CDH8: variants seen among roughly 807,000 people sequenced by gnomAD.
The protein encoded by CDH8 is cadherin-8.
In CDH8, 17 loss-of-function variants were observed where a neutral mutation model predicts 68.1. That is an observed-to-expected ratio of 0.25 (90% CI 0.17 to 0.37). CDH8 has a LOEUF of 0.37. Among genes scored for constraint, CDH8 ranks in the 10% least tolerant of loss-of-function variants. CDH8 has a pLI of 1.00. For synonymous variants in CDH8, 372 were observed against 365.1 expected (o/e 1.02, Z -0.21); for missense variants, 763 against 999.3 (o/e 0.76, Z 3.19).
intron 7 of CDH8, among the ~76,000 whole-genome samples, chr16:61,797,047 T>A (rs1302527032): frequency 6.6e-6 from 1 of 152,088 alleles, no homozygotes; most frequent in Non-Finnish European, 1.5e-5. Flanking sequence ...CCCAGCTGCA[T>A]ACATTTCATA....
At chr16:61,970,915 T>C (rs566254821) in intron 2 of CDH8, among the ~76,000 whole-genome samples, 20 of 152,302 alleles carry the variant, frequency 1.3e-4, no homozygotes, top group African/African-American at 4.1e-4. Flanking sequence ...CATTCCACCA[T>C]TGTGATTTGT....
At position 61,652,124 on chromosome 16, in the gene CDH8, A is replaced by G; in HGVS notation, c.*1484T>C. The G allele has an allele frequency of 1.0e-6, 1 of 969,474 alleles. No homozygotes were observed. Among genetic ancestry groups the G allele is most frequent in the Admixed American group, 6.2e-5 (1 of 16,258 alleles). 60.1% of individuals were successfully genotyped at this position (969,474 alleles called of 1,614,324 possible). A position where few individuals can be genotyped will look rare whatever the true frequency, so the allele number is the denominator to read the frequency against. On this transcript the variant is annotated 3_prime_UTR_variant, in exon 12 of 12. Coordinates refer to ENST00000577390, the MANE Select transcript of CDH8 (RefSeq NM_001796.5). The stretch of plus-strand genomic sequence containing the variant: ...TAAAGCAAAGTAGAAAATTAAAATG[A>G]TCTGCATGTAATACTTGAGTTTTAT...
intron 2 of CDH8, among the ~76,000 whole-genome samples, chr16:61,982,877 C>G (rs1054517332): frequency 3.9e-5 from 6 of 152,126 alleles, no homozygotes; most frequent in African/African-American, 1.4e-4. Flanking sequence ...CAGAGATTCT[C>G]TGCAGTTGGT....
At chr16:61,911,268 T>G (rs1964157002) in intron 2 of CDH8, among the ~76,000 whole-genome samples, 1 of 152,094 alleles carries the variant, frequency 6.6e-6, no homozygotes, top group Admixed American at 6.6e-5. Context: ...GTGATTTTAT[T>G]GGAGAATGCA....
intron 2 of CDH8, among the ~76,000 whole-genome samples, chr16:62,014,920 A>C (rs1901899976): frequency 6.6e-6 from 1 of 152,018 alleles, no homozygotes; most frequent in Non-Finnish European, 1.5e-5. Context: ...TTTTTCCCAA[A>C]ATAAGCAATA....
At chr16:61,851,659 CA>C (rs144598683) in intron 4 of CDH8, among the ~76,000 whole-genome samples, 14 of 139,548 alleles carry the variant, frequency 1.0e-4, no homozygotes, top group East Asian at 6.5e-4. Flanking sequence ...GAGGGGAAAA[CA>C]AAAAAAAAAC....
chr16:61,857,641 G>A, intron 3 of CDH8, among the ~76,000 whole-genome samples: 1 of 152,052 alleles, frequency 6.6e-6, no homozygotes, highest in East Asian at 1.9e-4. Context: ...TGGAAAAATT[G>A]GCTGCTGAAA....
intron 2 of CDH8, among the ~76,000 whole-genome samples, chr16:62,017,689 A>G (rs1019740765): frequency 6.6e-6 from 1 of 152,124 alleles, no homozygotes; most frequent in African/African-American, 2.4e-5. Flanking sequence ...AGAAACCAAT[A>G]TATTTGACCA....
At position 61,848,472 on chromosome 16, in the gene CDH8, C is replaced by T. The variant is rs181169923; in HGVS notation, c.667+8647G>A. ...TGACCATCACACCACTTCAAGCTTACCCAAGTATATTTAACTGTTCTATGT... is the reference window on the plus strand; with the variant it reads ...TGACCATCACACCACTTCAAGCTTATCCAAGTATATTTAACTGTTCTATGT... On this transcript the variant is annotated intron_variant, in intron 4 of 11. Coordinates refer to ENST00000577390, the MANE Select transcript of CDH8 (RefSeq NM_001796.5). Among the ~76,000 whole-genome samples, 656 of 152,202 alleles carry T rather than the reference C, an allele frequency of 4.3e-3. 7 individuals are homozygous for T. Among genetic ancestry groups the T allele is most frequent in the Non-Finnish European group, 5.7e-3 (387 of 68,008 alleles).
chr16:61,824,462 A>G (rs931533844), intron 5 of CDH8, among the ~76,000 whole-genome samples: 3 of 151,868 alleles, frequency 2.0e-5, no homozygotes, highest in African/African-American at 7.2e-5. Flanking sequence ...TCAAATAATT[A>G]TTGTCTCCCT....
intron 2 of CDH8, among the ~76,000 whole-genome samples, chr16:61,991,255 C>T (rs1965716484): frequency 6.6e-6 from 1 of 152,184 alleles, no homozygotes; most frequent in Non-Finnish European, 1.5e-5. Context: ...AAACTCACAT[C>T]TATTAAGGTA....
chr16:62,015,963 T>C (rs1901929369), intron 2 of CDH8, among the ~76,000 whole-genome samples: 1 of 152,178 alleles, frequency 6.6e-6, no homozygotes, highest in South Asian at 2.1e-4. Context: ...TCTTAACTTA[T>C]TATACAGCAG....
intron 10 of CDH8, among the ~76,000 whole-genome samples, chr16:61,701,789 T>C (rs1439025097): frequency 6.6e-6 from 1 of 152,204 alleles, no homozygotes; most frequent in Admixed American, 6.5e-5. Flanking sequence ...AGCAAGCAGA[T>C]TTCCTCCATG....
intron 7 of CDH8, among the ~76,000 whole-genome samples, chr16:61,799,925 GTC>G (rs1961581587): frequency 6.6e-6 from 1 of 152,072 alleles, no homozygotes. Context: ...CAAAGACAAG[GTC>G]TCACGAGGTC....
rs1959205108 is a variant in CDH8 at position 61,720,001 on chromosome 16, AC to A, written c.1537-6044del. Among the ~76,000 whole-genome samples, 4 of 142,938 alleles carry A rather than the reference AC, an allele frequency of 2.8e-5. No individual in the cohort carries two copies. The South Asian group carries it at 7.1e-4, about 25-fold the overall frequency. The allele number at this position is 142,938 out of a possible 152,430, so 93.8% of individuals were successfully genotyped here. ...CTCCCAATCTTATTAGGTAACACAC[AC>A]ACACACACACACACACACACACCAA... is the stretch of plus-strand genomic sequence containing the variant. On this transcript the variant is annotated intron_variant, in intron 9 of 11. Coordinates refer to ENST00000577390, the MANE Select transcript of CDH8 (RefSeq NM_001796.5).
chr16:62,033,952 A>C (rs1375234389), intron 1 of CDH8, among the ~76,000 whole-genome samples: 1 of 152,202 alleles, frequency 6.6e-6, no homozygotes, highest in African/African-American at 2.4e-5. Context: ...AAATCTGCTA[A>C]AGCAGAATTA....
intron 10 of CDH8, among the ~76,000 whole-genome samples, chr16:61,684,021 C>T (rs1964058728): frequency 6.6e-6 from 1 of 152,010 alleles, no homozygotes; most frequent in Non-Finnish European, 1.5e-5. Context: ...GATACCTTCC[C>T]TCCAATATTT....
chr16:61,788,664 T>C (rs1322180259), intron 8 of CDH8, among the ~76,000 whole-genome samples: 2 of 152,022 alleles, frequency 1.3e-5, no homozygotes, highest in Non-Finnish European at 2.9e-5. Context: ...ATTATAGTTT[T>C]ATCAAGTGCA....
chr16:61,871,815 C>CAAAAAAAAAAAAAAAA (rs144379377), intron 3 of CDH8, among the ~76,000 whole-genome samples: 1 of 43,346 alleles, frequency 2.3e-5, no homozygotes, highest in African/African-American at 8.6e-5. Context: ...GTTCTATATG[C>CAAAAAAAAAAAAAAAA]AAAAAAAAAA....
Sources: gnomAD v4.1 joint callset for allele counts (sites outside exome capture counted in the v4.1 genomes callset) on GRCh38, gnomAD v4.1.1 for gene constraint, MANE v1.5 for transcripts, NCBI Gene and HGNC (gene_info 2026-07-23, HGNC 2026-07-21) for gene names.